The following LRSAM1 variants were observed in gnomAD, a reference collection of about 807,000 sequenced individuals.
The protein encoded by LRSAM1 is leucine rich repeat and sterile alpha motif containing 1.
A neutral mutation model predicts 118.1 loss-of-function variants in LRSAM1; 96 were observed. That is an observed-to-expected ratio of 0.81 (90% CI 0.69 to 0.96). The LOEUF is 0.96. Among genes scored for constraint, LRSAM1 ranks in the 40% least tolerant of loss-of-function variants. The probability of loss-of-function intolerance (pLI) is 0.00; values close to 1 mark genes in which losing one functional copy is unlikely to be tolerated. For missense variants in LRSAM1, 804 were observed against 915.5 expected, an observed-to-expected ratio of 0.88 and a Z score of 1.57; for synonymous variants, 322 against 364.2, an observed-to-expected ratio of 0.88 and a Z score of 1.32.
At chr9:127,474,019 C>T (rs941977997) in intron 11 of LRSAM1, 88 bp downstream of exon 11, 38 of 1,584,662 alleles carry the variant, frequency 2.4e-5, no homozygotes, top group Non-Finnish European at 3.2e-5. Flanking sequence ...TGGAAGGGGG[C>T]GGTGGTTCAG....
intron 2 of LRSAM1, among the ~76,000 whole-genome samples, chr9:127,453,177 G>A (rs987130783): frequency 6.6e-6 from 1 of 152,182 alleles, no homozygotes; most frequent in South Asian, 2.1e-4. Flanking sequence ...TGCCTCCTGG[G>A]TTCAAGCAAT....
chr9:127,489,549 G>A, intron 19 of LRSAM1, 31 bp downstream of exon 19: 1 of 1,582,148 alleles, frequency 6.3e-7, no homozygotes, highest in Non-Finnish European at 8.6e-7. Flanking sequence ...CCCTGGACCT[G>A]CTCTCTCAGA....
chr9:127,474,601 C>T (rs1835291265), intron 11 of LRSAM1, among the ~76,000 whole-genome samples: 1 of 152,204 alleles, frequency 6.6e-6, no homozygotes, highest in South Asian at 2.1e-4. Flanking sequence ...GTCTGTCTCC[C>T]CTGCTGGATG....
chr9:127,462,843 GAAAAAAAAAGTTAAAA>G (rs895930223), intron 9 of LRSAM1, among the ~76,000 whole-genome samples: 1 of 140,696 alleles, frequency 7.1e-6, no homozygotes, highest in African/African-American at 2.6e-5. Context: ...AGTTGCAGAA[GAAAAAAAAAGTTAAAA>G]AAAAAAAAAG....
chr9:127,458,674 A>C (rs1286903550), intron 6 of LRSAM1, among the ~76,000 whole-genome samples: 1 of 152,236 alleles, frequency 6.6e-6, no homozygotes, highest in Middle Eastern at 3.2e-3. Context: ...GTGGAGTACC[A>C]CTGTCAATAT....
chr9:127,473,958 A>G (rs1438039528), intron 11 of LRSAM1, 27 bp downstream of exon 11: 1 of 1,613,992 alleles, frequency 6.2e-7, no homozygotes, highest in East Asian at 2.2e-5. Flanking sequence ...TGCTGCACGC[A>G]TACATGTGTG....
intron 19 of LRSAM1, 115 bp downstream of exon 19, chr9:127,489,633 G>A (rs1442489072): frequency 2.5e-6 from 3 of 1,189,294 alleles, no homozygotes; most frequent in Non-Finnish European, 3.6e-6. Context: ...TGGCTTGCTA[G>A]CCCAACAAGA....
intron 10 of LRSAM1, among the ~76,000 whole-genome samples, chr9:127,473,545 A>T (rs1395129898): frequency 6.6e-6 from 1 of 152,208 alleles, no homozygotes; most frequent in Non-Finnish European, 1.5e-5. Context: ...TCATCACTTC[A>T]TTCTCACTTG....
chr9:127,454,511 T>C lies in LRSAM1; in HGVS notation c.-17T>C, dbSNP rs1471959564. Reference sequence around the variant, plus strand: ...TGTGCCCCAGGGTCCTAAAGATCGCTCTGGGAAAAGGGAAGGATGCCGCTC... The same window carrying C: ...TGTGCCCCAGGGTCCTAAAGATCGCCCTGGGAAAAGGGAAGGATGCCGCTC... On this transcript the variant is annotated 5_prime_UTR_variant, in exon 3 of 26. Transcript: ENST00000300417. 5 of 1,613,944 alleles carry C rather than the reference T, an allele frequency of 3.1e-6. 1 individual carries two copies. The South Asian group carries it at 4.4e-5, about 14-fold the overall frequency.
intron 10 of LRSAM1, among the ~76,000 whole-genome samples, chr9:127,468,070 C>T (rs888923362): frequency 2.6e-5 from 4 of 152,198 alleles, no homozygotes; most frequent in Non-Finnish European, 5.9e-5. Flanking sequence ...CAGGGAAGGC[C>T]TGTCTTTGAG....
At chr9:127,454,713 C>A in intron 3 of LRSAM1, 114 bp downstream of exon 3, 1 of 1,143,656 alleles carries the variant, frequency 8.7e-7, no homozygotes, top group South Asian at 1.3e-5. Flanking sequence ...CCTCCCCCAC[C>A]CACAGAAGAA....
At chr9:127,482,413 G>T (rs1176524178) in intron 15 of LRSAM1, among the ~76,000 whole-genome samples, 1 of 152,156 alleles carries the variant, frequency 6.6e-6, no homozygotes, top group Admixed American at 6.5e-5. Context: ...AAAGTGCTGG[G>T]ATTACAGGTG....
chr9:127,462,948 C>G lies in LRSAM1; in HGVS notation c.528+575C>G, dbSNP rs558476399. The stretch of plus-strand genomic sequence containing the variant: ...CCGTGGCTCACTCCTGTAATCCCAG[C>G]ACTTTGGGAGGCCAAAGCAGGTGGA... On this transcript the variant is annotated intron_variant, in intron 9 of 25. Transcript: ENST00000300417. Among the ~76,000 whole-genome samples, 30 of 152,090 alleles carry G rather than the reference C, an allele frequency of 2.0e-4. 1 individual carries two copies. The highest frequency in any genetic ancestry group is 4.3e-4 in the Non-Finnish European group (29 of 68,022).
chr9:127,489,405 G>A, intron 18 of LRSAM1, 39 bp from the exon 19 acceptor site: 1 of 1,582,896 alleles, frequency 6.3e-7, no homozygotes, highest in Non-Finnish European at 8.6e-7. Context: ...GAAAAGTGTG[G>A]GCACGGCCCC....
rs751314768 is a variant in LRSAM1 at position 127,485,815 on chromosome 9, G to T, written c.1239G>T (p.Leu413Phe). ...CCTACGAATCTCAGAGGCAGAACTT[G>T]GTCCAGCAGGCCTGTTCCAGGTAAG... Reference protein sequence around the residue: ...QMAYESQRQNLVQQACSSMAE... With the variant: ...QMAYESQRQNFVQQACSSMAE... Residue 413 changes from leucine (L) to phenylalanine (F), a missense_variant, in exon 17 of 26, where the codon TTG becomes TTT. Physicochemically the swap from Leu to Phe is conservative, Grantham distance 22. Coordinates refer to ENST00000300417, the MANE Select transcript of LRSAM1 (RefSeq NM_001005373.4). The T allele has an allele frequency of 1.5e-5, 25 of 1,614,024 alleles. No homozygotes were observed. Among genetic ancestry groups the T allele is most frequent in the Non-Finnish European group, 1.9e-5 (23 of 1,180,012 alleles).
chr9:127,488,259 C>T (rs754732689), intron 18 of LRSAM1, among the ~76,000 whole-genome samples: 1 of 151,862 alleles, frequency 6.6e-6, no homozygotes, highest in Non-Finnish European at 1.5e-5. Flanking sequence ...CTCTGTTTAG[C>T]GTTTTTGTTT....
intron 10 of LRSAM1, among the ~76,000 whole-genome samples, chr9:127,468,742 G>C (rs1177217956): frequency 6.7e-6 from 1 of 148,412 alleles, no homozygotes; most frequent in East Asian, 2.0e-4. Flanking sequence ...ATGGGAGGCT[G>C]AGGCAGGAGG....
At position 127,479,924 on chromosome 9, in the gene LRSAM1, A is replaced by G; in HGVS notation, c.989A>G (p.Gln330Arg). The G allele has an allele frequency of 6.2e-7, 1 of 1,614,140 alleles. No individual in the cohort carries two copies. Among genetic ancestry groups the G allele is most frequent in the African/African-American group, 1.3e-5 (1 of 75,062 alleles). Residue 330 changes from glutamine (Q) to arginine (R), a missense_variant, in exon 14 of 26, where the codon CAG (glutamine) becomes CGG (arginine). Gln to Arg is a conservative substitution (Grantham distance 43). Transcript: ENST00000300417. ...CAGCGGCTGCAGGAGCAGCTGAAGC[A>G]GACGGAACAGAACATTTCCAGCCGG... ...ERQRLQEQLK[Q>R]TEQNISSRIQ...
chr9:127,473,889 T>G lies in LRSAM1; in HGVS notation c.708T>G (p.Asp236Glu). The change falls in exon 11 of 26, where the codon GAT becomes GAG. Residue 236 changes from aspartate (D) to glutamate (E), a missense_variant. Transcript: ENST00000300417. Reference protein sequence around the residue: ...DGIENSRDSPDGPTDRFSREE... With the variant: ...DGIENSRDSPEGPTDRFSREE... ...TCGAGAACTCTCGGGACAGCCCTGA[T>G]GGGCCCACGGACAGATTCTCAAGGG... The G allele has an allele frequency of 6.2e-7, 1 of 1,614,208 alleles. No homozygotes were observed. Among genetic ancestry groups the G allele is most frequent in the Non-Finnish European group, 8.5e-7 (1 of 1,180,030 alleles).
Sources: allele counts gnomAD v4.1 joint callset (sites outside exome capture counted in the v4.1 genomes callset), GRCh38; gene constraint gnomAD v4.1.1; transcripts MANE v1.5; gene names NCBI Gene and HGNC (gene_info 2026-07-23, HGNC 2026-07-21).